GRID2IP: variants seen among roughly 807,000 people sequenced by gnomAD.
The protein encoded by GRID2IP is delphilin.
Under a neutral mutation model 114.3 loss-of-function variants are expected in GRID2IP, and 78 were observed. That is an observed-to-expected ratio of 0.68 (90% CI 0.57 to 0.82). GRID2IP has a LOEUF of 0.82. GRID2IP is among the 40% of genes least tolerant of loss of function. The pLI is 0.00. For missense variants in GRID2IP, 1,727 were observed against 1,678.5 expected (o/e 1.03, Z -0.51); for synonymous variants, 809 against 724.0 (o/e 1.12, Z -1.89).
rs919359432 is a variant in GRID2IP, at chr7:6,523,059, C to T, written c.920-1102G>A. 6.6e-6 allele frequency among the ~76,000 whole-genome samples: 1 copy of T among 152,186 alleles called. No homozygotes were observed. Among genetic ancestry groups the T allele is most frequent in the African/African-American group, 2.4e-5 (1 of 41,438 alleles). On this transcript the variant is annotated intron_variant, in intron 4 of 21. Transcript: ENST00000457091. This position sits in a 1 kb window ranked among gnomAD's most constrained non-coding sequence, Gnocchi z 4.5. ...CCTCAAATGATCCTCCTGCCTCAGT[C>T]TCCCAAAGTGCTGGGATTACAGGTG...
rs1319378658 is a variant in GRID2IP, at chr7:6,526,575, G to A, written c.779C>T (p.Pro260Leu). The A allele has an allele frequency of 1.9e-5, 23 of 1,202,342 alleles. No individual in the cohort carries two copies. The highest frequency in any genetic ancestry group is 3.3e-4 in the Middle Eastern group (1 of 3,060). The allele number at this position is 1,202,342 out of a possible 1,614,324, so 74.5% of individuals were successfully genotyped here. A position where few individuals can be genotyped will look rare whatever the true frequency, so the allele number is the denominator to read the frequency against. The change falls in exon 3 of 22, where the codon CCG (proline) becomes CTG (leucine). Residue 260 changes from proline to leucine, a missense_variant. Coordinates refer to ENST00000457091, the MANE Select transcript of GRID2IP (RefSeq NM_001145118.2). This position sits in a 1 kb window ranked among gnomAD's most constrained non-coding sequence, Gnocchi z 7.6. ...APPRRPDEPP[P>L]RRASLLVGGL... ...GCCCACCAGCAAGGAGGCCCTGCGC[G>A]GGGGCGGCTCATCGGGGCGGCGCGG... is the stretch of plus-strand genomic sequence containing the variant.
At chr7:6,502,725 C>A in intron 18 of GRID2IP, 61 bp downstream of exon 18, 1 of 1,243,516 alleles carries the variant, frequency 8.0e-7, no homozygotes, top group Non-Finnish European at 1.2e-6. Context: ...TGAGCTAGGC[C>A]TGGCGTTAGC....
At chr7:6,502,982 G>A (rs1242049036) in intron 17 of GRID2IP, 26 bp downstream of exon 17, 2 of 1,551,286 alleles carry the variant, frequency 1.3e-6, no homozygotes, top group East Asian at 4.9e-5. Flanking sequence ...AGCAGATAGG[G>A]TGCCAGGAAG....
chr7:6,541,516 C>T (rs1779815114), intron 1 of GRID2IP, among the ~76,000 whole-genome samples: 1 of 152,184 alleles, frequency 6.6e-6, no homozygotes, highest in African/African-American at 2.4e-5. Context: ...TGTCCACAAA[C>T]CAGCTGATAC....
intron 2 of GRID2IP, among the ~76,000 whole-genome samples, chr7:6,533,370 A>G (rs1204553898): frequency 6.6e-6 from 1 of 151,960 alleles, no homozygotes; most frequent in African/African-American, 2.4e-5. Flanking sequence ...TCTCTTATTT[A>G]TTTTTAGAGA....
chr7:6,549,149 T>G (rs779969834), intron 1 of GRID2IP, among the ~76,000 whole-genome samples: 17 of 152,258 alleles, frequency 1.1e-4, no homozygotes, highest in Non-Finnish European at 1.8e-4. Context: ...CTAGGCAGCT[T>G]CTTCTTTTAT....
rs1779652502 is a variant in GRID2IP at position 6,532,578 on chromosome 7, T to C, written c.585-5809A>G. ...GGAAGCAGCCAGAAACTGGAGCCAG[T>C]GCCCACTCATGCCGTGCCCTCCCCA... On this transcript the variant is annotated intron_variant, in intron 2 of 21. Coordinates refer to ENST00000457091, the MANE Select transcript of GRID2IP (RefSeq NM_001145118.2). The surrounding 1 kb of genome is among the most constrained non-coding windows in gnomAD (Gnocchi z 4.4). 6.6e-6 allele frequency among the ~76,000 whole-genome samples: 1 copy of C among 152,130 alleles called. No homozygotes were observed. Among genetic ancestry groups the C allele is most frequent in the East Asian group, 1.9e-4 (1 of 5,188 alleles).
At chr7:6,505,989 G>A (rs1786572941) in intron 13 of GRID2IP, 82 bp from the exon 14 acceptor site, 3 of 859,732 alleles carry the variant, frequency 3.5e-6, no homozygotes, top group Non-Finnish European at 3.7e-6. Flanking sequence ...TCTGAGGGCT[G>A]CCATAGGGGC....
chr7:6,544,493 C>A (rs1337464343), intron 1 of GRID2IP, among the ~76,000 whole-genome samples: 2 of 150,932 alleles, frequency 1.3e-5, no homozygotes, highest in African/African-American at 4.9e-5. Flanking sequence ...GTTGGCCAGG[C>A]AGTCTCGAGC....
chr7:6,510,944 G>A lies in GRID2IP; in HGVS notation c.1519C>T (p.Leu507Phe), dbSNP rs1254008319. The change falls in exon 9 of 22, where the codon CTC becomes TTC. Residue 507 changes from leucine to phenylalanine, a missense_variant. Coordinates refer to ENST00000457091, the MANE Select transcript of GRID2IP (RefSeq NM_001145118.2). ...CCGGCCTCCAGGCCCTGGGACCGGA[G>A]GCTGCGGCGGCACATGGAGGAAGCC... is the stretch of plus-strand genomic sequence containing the variant. ...LRASSMCRRS[L>F]RSQGLEAGLS... The A allele has an allele frequency of 7.7e-6, 12 of 1,548,984 alleles. No homozygotes were observed. In the East Asian group the frequency reaches 3.0e-4, roughly 38 times the overall value.
rs757837390 is a variant in GRID2IP, at chr7:6,509,095, G to A, written c.1990C>T (p.Arg664Cys). 6.1e-6 allele frequency: 9 copies of A among 1,481,898 alleles called. No homozygotes were observed. The highest frequency in any genetic ancestry group is 2.5e-5 in the East Asian group (1 of 39,234). 91.8% of individuals were successfully genotyped at this position (1,481,898 alleles called of 1,614,324 possible). A position where few individuals can be genotyped will look rare whatever the true frequency, so the allele number is the denominator to read the frequency against. The change falls in exon 12 of 22, where the codon CGC (arginine) becomes TGC (cysteine). Residue 664 changes from arginine to cysteine, a missense_variant. Transcript: ENST00000457091. The surrounding 1 kb of genome is among the most constrained non-coding windows in gnomAD (Gnocchi z 4.9). ...TGGGAGAAGGTGAAGAGCTTCCTGC[G>A]GCTGGGCGGGCGGGTGGGGTCCGGG... ...PSPDPTRPPS[R>C]RKLFTFSHPV...
rs1383014180 is a variant in GRID2IP, at chr7:6,510,324, G to A, written c.1730C>T (p.Ser577Phe). 6.5e-7 allele frequency: 1 copy of A among 1,547,926 alleles called. No individual in the cohort carries two copies. Among genetic ancestry groups the A allele is most frequent in the Admixed American group, 2.0e-5 (1 of 50,140 alleles). The change falls in exon 11 of 22, where the codon TCC becomes TTC. Residue 577 changes from serine (S) to phenylalanine (F), a missense_variant. Ser to Phe is a radical substitution (Grantham distance 155). Coordinates refer to ENST00000457091, the MANE Select transcript of GRID2IP (RefSeq NM_001145118.2). Reference sequence around the variant, plus strand: ...GCTGGGGCCTGGAGGGGAAGCCCGGGATTTGGACACGGTCCCCATCTTCCC... The same window carrying A: ...GCTGGGGCCTGGAGGGGAAGCCCGGAATTTGGACACGGTCCCCATCTTCCC... ...FKGKMGTVSK[S>F]RASPPGPSPA...
chr7:6,526,287 T>C lies in GRID2IP; in HGVS notation c.856A>G (p.Asn286Asp). 3 of 1,552,008 alleles carry C rather than the reference T, an allele frequency of 1.9e-6. No individual in the cohort carries two copies. Among genetic ancestry groups the C allele is most frequent in the Non-Finnish European group, 2.6e-6 (3 of 1,147,052 alleles). The change falls in exon 4 of 22, where the codon AAC becomes GAC. Residue 286 changes from asparagine to aspartate, a missense_variant. Coordinates refer to ENST00000457091, the MANE Select transcript of GRID2IP (RefSeq NM_001145118.2). The surrounding 1 kb of genome is among the most constrained non-coding windows in gnomAD (Gnocchi z 7.6). ...CGAAGTGTGAAGCCGAAGCTCTTGTTGCCTTTGTAGACTCGGACAGTCCTG... is the reference window on the plus strand; with the variant it reads ...CGAAGTGTGAAGCCGAAGCTCTTGTCGCCTTTGTAGACTCGGACAGTCCTG... ...ARRTVRVYKG[N>D]KSFGFTLRGH...
Position 6,510,305 on chromosome 7 carries a change from G to A in GRID2IP, c.1749C>T (p.Gly583=). 1 of 1,546,446 alleles carries A rather than the reference G, an allele frequency of 6.5e-7. No homozygotes were observed. Among genetic ancestry groups the A allele is most frequent in the Non-Finnish European group, 8.7e-7 (1 of 1,144,900 alleles). Residue 583 remains glycine, a synonymous_variant, in exon 11 of 22, where the codon GGC becomes GGT. Coordinates refer to ENST00000457091, the MANE Select transcript of GRID2IP (RefSeq NM_001145118.2). ...TVSKSRASPP[G]PSPAVTTGPR... ...TACCTGTGGTGACTGCTGGGCTGGG[G>A]CCTGGAGGGGAAGCCCGGGATTTGG...
At position 6,532,945 on chromosome 7, in the gene GRID2IP, A is replaced by T. The variant is rs908876839; in HGVS notation, c.585-6176T>A. ...GGCAGCATGAGGTGGTCACCCAGTC[A>T]CTAGGTGATCACCAGGGGACAGGCA... is the stretch of plus-strand genomic sequence containing the variant. On this transcript the variant is annotated intron_variant, in intron 2 of 21. Coordinates refer to ENST00000457091, the MANE Select transcript of GRID2IP (RefSeq NM_001145118.2). This position sits in a 1 kb window ranked among gnomAD's most constrained non-coding sequence, Gnocchi z 4.4. Among the ~76,000 whole-genome samples the T allele has an allele frequency of 2.0e-5, 3 of 152,222 alleles. No individual in the cohort carries two copies. Among genetic ancestry groups the T allele is most frequent in the African/African-American group, 7.2e-5 (3 of 41,452 alleles).
chr7:6,530,738 G>A (rs929120912), intron 2 of GRID2IP, among the ~76,000 whole-genome samples: 5 of 152,210 alleles, frequency 3.3e-5, no homozygotes, highest in Admixed American at 6.5e-5. Flanking sequence ...CCCAACCTCA[G>A]TCTCGGCCCT....
At chr7:6,531,483 G>A (rs561221082) in intron 2 of GRID2IP, among the ~76,000 whole-genome samples, 58 of 152,346 alleles carry the variant, frequency 3.8e-4, no homozygotes, top group African/African-American at 1.3e-3. Context: ...AGGAAGCCCC[G>A]ACGGCCTTTG....
At chr7:6,524,528 AAG>A (rs1562520016) in intron 4 of GRID2IP, among the ~76,000 whole-genome samples, 2 of 152,082 alleles carry the variant, frequency 1.3e-5, no homozygotes, top group Non-Finnish European at 2.9e-5. Context: ...GGCAGGAAGA[AAG>A]GGATTCTTGC....
Position 6,520,100 on chromosome 7 carries a change from C to T in GRID2IP, c.1268+478G>A, listed in dbSNP as rs2115071128. ...ACCAGCCTGACCAACATAGTGAAAC[C>T]CTGTCTCTAGTAAAACCCTGTCTCT... is the stretch of plus-strand genomic sequence containing the variant. On this transcript the variant is annotated intron_variant, in intron 7 of 21. Transcript: ENST00000457091. This position sits in a 1 kb window ranked among gnomAD's most constrained non-coding sequence, Gnocchi z 4.6. 6.6e-6 allele frequency among the ~76,000 whole-genome samples: 1 copy of T among 152,144 alleles called. No homozygotes were observed. The highest frequency in any genetic ancestry group is 1.5e-5 in the Non-Finnish European group (1 of 67,988).
Sources: allele counts gnomAD v4.1 joint callset (sites outside exome capture counted in the v4.1 genomes callset), GRCh38; gene constraint gnomAD v4.1.1; non-coding constraint Gnocchi (gnomAD v3.1); transcripts MANE v1.5; gene names NCBI Gene and HGNC (gene_info 2026-07-23, HGNC 2026-07-21).